The following ATP6AP2 variants were observed in gnomAD, a reference collection of about 807,000 sequenced individuals.
ATP6AP2 encodes the protein ATPase H+ transporting accessory protein 2.
ATP6AP2 carries 1 observed loss-of-function variant against 23.4 expected under a neutral mutation model. The ratio of observed to expected loss-of-function variants is 0.04; its 90% confidence interval spans 0.02 to 0.20. The LOEUF is 0.20. Among genes scored for constraint, ATP6AP2 ranks in the 10% least tolerant of loss-of-function variants. The pLI is 1.00. For missense variants in ATP6AP2, 174 were observed against 271.3 expected (o/e 0.64, Z 2.52); for synonymous variants, 90 against 97.1 (o/e 0.93, Z 0.43).
At chrX:40,598,874 A>G (rs1926836341) in intron 6 of ATP6AP2, 140 bp downstream of exon 6, 4 of 593,397 alleles carry the variant, frequency 6.7e-6, no homozygotes, top group Non-Finnish European at 1.1e-5. Context: ...ATTAGTGGCA[A>G]TATTGGGAAT....
Position 40,597,167 on chromosome X carries a change from G to C in ATP6AP2, c.301-82G>C, listed in dbSNP as rs1460322567. 7.6e-6 allele frequency: 6 copies of C among 785,722 alleles called. No individual in the cohort carries two copies. The African/African-American group carries it at 1.0e-4, about 13-fold the overall frequency. 64.8% of individuals were successfully genotyped at this position (785,722 alleles called of 1,213,427 possible). On this transcript the variant is annotated intron_variant, in intron 3 of 8. Transcript: ENST00000636580. The stretch of plus-strand genomic sequence containing the variant: ...AGAAAGTGCTGGAAAAAAGTTTAAG[G>C]CTTCTTTTTAAATACCATCTGAATG...
At chrX:40,605,198 G>A (rs1232382717) in intron 8 of ATP6AP2, 1 of 154,232 alleles carries the variant, frequency 6.5e-6, no homozygotes, top group Non-Finnish European at 1.2e-5. Context: ...CCGAAGTGCT[G>A]AGATTACAGG....
At chrX:40,597,824 C>T (rs902497824) in intron 5 of ATP6AP2, 160 bp downstream of exon 5, 2 of 547,585 alleles carry the variant, frequency 3.7e-6, no homozygotes, top group African/African-American at 4.6e-5. Flanking sequence ...AGGCTTGAGC[C>T]ACTGCATCTG....
rs530085197 is a variant in ATP6AP2, at chrX:40,594,130, T to C, written c.300+2765T>C. 2.7e-5 allele frequency among the ~76,000 whole-genome samples: 3 copies of C among 112,655 alleles called. No individual in the cohort carries two copies. In the South Asian group the frequency reaches 1.1e-3, roughly 41 times the overall value. Reference sequence around the variant, plus strand: ...GAGGTGATGGATTTGTTCATTAGCCTGATTTAATCAGTCTACTTTGTAAAC... The same window carrying C: ...GAGGTGATGGATTTGTTCATTAGCCCGATTTAATCAGTCTACTTTGTAAAC... On this transcript the variant is annotated intron_variant, in intron 3 of 8. Coordinates refer to ENST00000636580, the MANE Select transcript of ATP6AP2 (RefSeq NM_005765.3).
At position 40,585,537 on chromosome X, in the gene ATP6AP2, G is replaced by A. The variant is rs148587529; in HGVS notation, c.38-3449G>A. Among the ~76,000 whole-genome samples the A allele has an allele frequency of 3.3e-3, 363 of 111,635 alleles. 2 individuals carry two copies. Among genetic ancestry groups the A allele is most frequent in the African/African-American group, 0.011 (345 of 30,734 alleles). On this transcript the variant is annotated intron_variant, in intron 1 of 8. Transcript: ENST00000636580. Reference sequence around the variant, plus strand: ...AATTGCCTTTTGAGTTTGGGGAGTCGTTTCAGTGGCATGGTGGGCTTGGAA... The same window carrying A: ...AATTGCCTTTTGAGTTTGGGGAGTCATTTCAGTGGCATGGTGGGCTTGGAA...
intron 7 of ATP6AP2, 74 bp from the exon 8 acceptor site, chrX:40,600,688 A>G (rs1926881955): frequency 1.9e-6 from 2 of 1,039,950 alleles, no homozygotes; most frequent in East Asian, 3.2e-5. Context: ...AATATATATG[A>G]TTTTAATTTG....
Position 40,581,026 on chromosome X carries a change from G to C in ATP6AP2, c.-40G>C, listed in dbSNP as rs761760848. 53 of 1,162,312 alleles carry C rather than the reference G, an allele frequency of 4.6e-5. No individual in the cohort carries two copies. Among genetic ancestry groups the C allele is most frequent in the African/African-American group, 7.1e-5 (4 of 56,086 alleles). On this transcript the variant is annotated 5_prime_UTR_variant, in exon 1 of 9. Transcript: ENST00000636580. ...GCTGTCGCCCGTGTCCCGCCGGCCCGTTCCGTGTCGCCCCGCAGTGCTGCG... is the reference window on the plus strand; with the variant it reads ...GCTGTCGCCCGTGTCCCGCCGGCCCCTTCCGTGTCGCCCCGCAGTGCTGCG...
chrX:40,587,308 G>A lies in ATP6AP2; in HGVS notation c.38-1678G>A, dbSNP rs189008205. On this transcript the variant is annotated intron_variant, in intron 1 of 8. Coordinates refer to ENST00000636580, the MANE Select transcript of ATP6AP2 (RefSeq NM_005765.3). ...AAAATATGTGTATGGTTCTTGGGAA[G>A]CATAGGTCTCTTGGTTCCCCATTTT... Among the ~76,000 whole-genome samples the A allele has an allele frequency of 5.9e-4, 66 of 112,366 alleles. 1 individual carries two copies. The highest frequency in any genetic ancestry group is 5.4e-3 in the Admixed American group (57 of 10,624).
At position 40,594,952 on chromosome X, in the gene ATP6AP2, A is replaced by T. The variant is rs777499557; in HGVS notation, c.301-2297A>T. The stretch of plus-strand genomic sequence containing the variant: ...GAATGGAAATTAATGAGCTAAAGAA[A>T]GCGGAAGAACTTCAGAGTAAATACA... On this transcript the variant is annotated intron_variant, in intron 3 of 8. Coordinates refer to ENST00000636580, the MANE Select transcript of ATP6AP2 (RefSeq NM_005765.3). Among the ~76,000 whole-genome samples, 4 of 112,201 alleles carry T rather than the reference A, an allele frequency of 3.6e-5. No homozygotes were observed. The South Asian group carries it at 1.5e-3, about 41-fold the overall frequency.
At chrX:40,590,375 G>A (rs1202145722) in intron 2 of ATP6AP2, 3 of 108,779 alleles carry the variant, frequency 2.8e-5, no homozygotes, top group African/African-American at 1.0e-4. Context: ...TTCTTTTTTT[G>A]TTTTGTTTTG....
chrX:40,593,427 C>G (rs895890701), intron 3 of ATP6AP2, among the ~76,000 whole-genome samples: 1 of 111,532 alleles, frequency 9.0e-6, no homozygotes, highest in East Asian at 2.8e-4. Context: ...CCAGGTTTAT[C>G]CATGTTGCAA....
At chrX:40,592,344 A>G (rs1926654575) in intron 3 of ATP6AP2, 1 of 112,162 alleles carries the variant, frequency 8.9e-6, no homozygotes, top group Non-Finnish European at 1.9e-5. Context: ...GAGATCTAAA[A>G]ATACATACAT....
At chrX:40,598,853 A>G in intron 6 of ATP6AP2, 119 bp downstream of exon 6, 1 of 689,083 alleles carries the variant, frequency 1.5e-6, no homozygotes. Flanking sequence ...TGATCCCATG[A>G]AAATTGAAAA....
chrX:40,585,548 A>G (rs964180440), intron 1 of ATP6AP2, among the ~76,000 whole-genome samples: 1 of 111,536 alleles, frequency 9.0e-6, no homozygotes, highest in African/African-American at 3.3e-5. Context: ...TTTCAGTGGC[A>G]TGGTGGGCTT....
At chrX:40,596,401 A>G (rs1450543469) in intron 3 of ATP6AP2, among the ~76,000 whole-genome samples, 2 of 111,624 alleles carry the variant, frequency 1.8e-5, no homozygotes, top group East Asian at 5.5e-4. Flanking sequence ...TAATTTTTTT[A>G]GGGGAAAAAT....
intron 3 of ATP6AP2, 182 bp from the exon 4 acceptor site, chrX:40,597,067 A>C (rs1042388640): frequency 2.1e-5 from 9 of 434,982 alleles, no homozygotes; most frequent in Non-Finnish European, 3.6e-5. Flanking sequence ...GACTTGGCTT[A>C]CCAGGGGGCT....
In ATP6AP2 at chrX:40,580,990, C is replaced by T; in HGVS notation, c.-76C>T. ...TGGACGAGTCCGAGCGCGTCACCTC[C>T]TCACGCTGCGGCTGTCGCCCGTGTC... On this transcript the variant is annotated 5_prime_UTR_variant, in exon 1 of 9. Transcript: ENST00000636580. The T allele has an allele frequency of 8.8e-7, 1 of 1,136,753 alleles. No homozygotes were observed. Among genetic ancestry groups the T allele is most frequent in the Non-Finnish European group, 1.2e-6 (1 of 848,423 alleles). 93.7% of individuals were successfully genotyped at this position (1,136,753 alleles called of 1,213,427 possible). A position where few individuals can be genotyped will look rare whatever the true frequency, so the allele number is the denominator to read the frequency against.
intron 3 of ATP6AP2, among the ~76,000 whole-genome samples, chrX:40,592,812 A>T (rs781431387): frequency 3.6e-5 from 4 of 110,565 alleles, no homozygotes; most frequent in Non-Finnish European, 7.6e-5. Context: ...TTCCAAGTAC[A>T]CATGGCATAC....
rs772518092 is a variant in ATP6AP2 at position 40,598,692 on chromosome X, C to T, written c.546C>T (p.Leu182=). 1.7e-6 allele frequency: 2 copies of T among 1,208,528 alleles called. No individual in the cohort carries two copies. Among genetic ancestry groups the T allele is most frequent in the African/African-American group, 1.8e-5 (1 of 57,041 alleles). The change falls in exon 6 of 9, where the codon CTC becomes CTT. Residue 182 remains leucine, a synonymous_variant. Coordinates refer to ENST00000636580, the MANE Select transcript of ATP6AP2 (RefSeq NM_005765.3). ...TGGGCTCTCTGAAGGTTGACCTGCT[C>T]TTTCTTTCTGAACTGCAAGTGCTAC... ...SLSRNNEVDL[L]FLSELQVLHD...
Sources: allele counts gnomAD v4.1 joint callset (sites outside exome capture counted in the v4.1 genomes callset), GRCh38; gene constraint gnomAD v4.1.1; transcripts MANE v1.5; gene names NCBI Gene and HGNC (gene_info 2026-07-23, HGNC 2026-07-21).